TAFA2: variants seen among roughly 807,000 people sequenced by gnomAD.
TAFA2 encodes the protein TAFA chemokine like family member 2.
In TAFA2, 7 loss-of-function variants were observed where a neutral mutation model predicts 18.8. That is an observed-to-expected ratio of 0.37 (90% CI 0.21 to 0.70). The LOEUF (loss-of-function observed/expected upper bound fraction) is 0.70, where lower values mean the gene tolerates loss of function less well. Among genes scored for constraint, TAFA2 ranks in the 30% least tolerant of loss-of-function variants. The probability of loss-of-function intolerance (pLI) is 0.53; values close to 1 mark genes in which losing one functional copy is unlikely to be tolerated. For synonymous variants in TAFA2, 60 were observed against 54.2 expected, an observed-to-expected ratio of 1.11 and a Z score of -0.47; for missense variants, 122 against 158.1, an observed-to-expected ratio of 0.77 and a Z score of 1.23.
intron 1 of TAFA2, among the ~76,000 whole-genome samples, chr12:62,148,680 C>A (rs1432273297): frequency 3.9e-5 from 6 of 152,104 alleles, no homozygotes; most frequent in African/African-American, 1.4e-4. Context: ...TGCACATGTA[C>A]CCTCTGGATC....
At chr12:62,166,321 A>G (rs1478689961) in intron 1 of TAFA2, among the ~76,000 whole-genome samples, 1 of 152,206 alleles carries the variant, frequency 6.6e-6, no homozygotes, top group Non-Finnish European at 1.5e-5. Flanking sequence ...TGGTGTTAAC[A>G]CAAAATAGCA....
intron 1 of TAFA2, among the ~76,000 whole-genome samples, chr12:62,177,133 A>AG (rs2062519692): frequency 6.6e-6 from 1 of 152,240 alleles, no homozygotes; most frequent in Non-Finnish European, 1.5e-5. Context: ...CAAAGACAAC[A>AG]GGGGGGAAAC....
Position 62,170,069 on chromosome 12 carries a change from C to T in TAFA2, c.-2+21190G>A, listed in dbSNP as rs142285821. ...TATTGCTTTCCGAGTTCCTTAAAAA[C>T]CATAAATGCTCTCTTGTTTATCTTG... On this transcript the variant is annotated intron_variant, in intron 1 of 4. Transcript: ENST00000416284. Among the ~76,000 whole-genome samples, 83 of 152,110 alleles carry T rather than the reference C, an allele frequency of 5.5e-4. 1 individual carries two copies. Among genetic ancestry groups the T allele is most frequent in the African/African-American group, 1.9e-3 (78 of 41,476 alleles).
chr12:62,107,837 T>C (rs1464975533), intron 1 of TAFA2, among the ~76,000 whole-genome samples: 1 of 152,186 alleles, frequency 6.6e-6, no homozygotes, highest in Non-Finnish European at 1.5e-5. Context: ...ACTTTAATGT[T>C]ATTATTAGTA....
intron 1 of TAFA2, among the ~76,000 whole-genome samples, chr12:61,948,353 T>C (rs1474636272): frequency 6.6e-6 from 1 of 152,128 alleles, no homozygotes; most frequent in Non-Finnish European, 1.5e-5. Flanking sequence ...GAAGTAAGCA[T>C]GACCTTAATG....
At position 61,776,199 on chromosome 12, in the gene TAFA2, G is replaced by T. The variant is rs560036033; in HGVS notation, c.107-21175C>A. 1.9e-5 allele frequency: 5 copies of T among 258,336 alleles called. No individual in the cohort carries two copies. In the East Asian group the frequency reaches 5.6e-4, roughly 29 times the overall value. 16.0% of individuals were successfully genotyped at this position (258,336 alleles called of 1,614,324 possible). A position where few individuals can be genotyped will look rare whatever the true frequency, so the allele number is the denominator to read the frequency against. The stretch of plus-strand genomic sequence containing the variant: ...TGCCAAAAGAATTAATGTGTGTATT[G>T]AGCATATTAAGCAGTTTAAGAGCTG... On this transcript the variant is annotated intron_variant, in intron 2 of 4. Coordinates refer to ENST00000416284, the MANE Select transcript of TAFA2 (RefSeq NM_178539.5).
chr12:61,949,143 A>G lies in TAFA2; in HGVS notation c.-1-81717T>C, dbSNP rs537381203. On this transcript the variant is annotated intron_variant, in intron 1 of 4. Coordinates refer to ENST00000416284, the MANE Select transcript of TAFA2 (RefSeq NM_178539.5). Reference sequence around the variant, plus strand: ...CTCCGTAAAGCAGATTGTCCTCCCTACTGTGGATGGGTCTCATCCAATCAG... The same window carrying G: ...CTCCGTAAAGCAGATTGTCCTCCCTGCTGTGGATGGGTCTCATCCAATCAG... Among the ~76,000 whole-genome samples, 62 of 152,272 alleles carry G rather than the reference A, an allele frequency of 4.1e-4. 2 individuals carry two copies. Among genetic ancestry groups the G allele is most frequent in the African/African-American group, 1.4e-3 (59 of 41,554 alleles).
intron 1 of TAFA2, among the ~76,000 whole-genome samples, chr12:62,125,006 C>A (rs1447794463): frequency 6.6e-6 from 1 of 151,992 alleles, no homozygotes; most frequent in Admixed American, 6.6e-5. Context: ...ACAGTGAAAA[C>A]GGAGCAGGAA....
At chr12:61,971,078 T>A (rs1343382509) in intron 1 of TAFA2, among the ~76,000 whole-genome samples, 1 of 150,914 alleles carries the variant, frequency 6.6e-6, no homozygotes, top group Non-Finnish European at 1.5e-5. Context: ...GCTGGGAGGG[T>A]ATGGAAAGCA....
At chr12:61,748,384 C>G (rs958003909) in intron 4 of TAFA2, among the ~76,000 whole-genome samples, 1 of 152,002 alleles carries the variant, frequency 6.6e-6, no homozygotes, top group Non-Finnish European at 1.5e-5. Flanking sequence ...GAGATGAAGA[C>G]AAATGAATGG....
intron 1 of TAFA2, among the ~76,000 whole-genome samples, chr12:62,017,862 A>C (rs997965046): frequency 3.3e-5 from 5 of 152,194 alleles, no homozygotes; most frequent in Non-Finnish European, 7.4e-5. Flanking sequence ...ATGACAACCT[A>C]AACTGCCATT....
intron 1 of TAFA2, among the ~76,000 whole-genome samples, chr12:61,926,379 G>A (rs992071168): frequency 6.6e-6 from 1 of 152,166 alleles, no homozygotes; most frequent in South Asian, 2.1e-4. Flanking sequence ...AAACCTGGCA[G>A]AGACACAACA....
intron 1 of TAFA2, among the ~76,000 whole-genome samples, chr12:62,079,776 C>A (rs1868292313): frequency 6.6e-6 from 1 of 152,158 alleles, no homozygotes; most frequent in Non-Finnish European, 1.5e-5. Flanking sequence ...CCCAATCTAT[C>A]CACTTTTATC....
At chr12:61,741,298 G>A (rs946719155) in intron 4 of TAFA2, among the ~76,000 whole-genome samples, 3 of 151,588 alleles carry the variant, frequency 2.0e-5, no homozygotes, top group African/African-American at 7.3e-5. Flanking sequence ...GTGTGTGTGT[G>A]TGTGTATGTG....
At chr12:61,759,390 C>A (rs1869429970) in intron 2 of TAFA2, among the ~76,000 whole-genome samples, 1 of 151,718 alleles carries the variant, frequency 6.6e-6, no homozygotes, top group Non-Finnish European at 1.5e-5. Context: ...AAACTAATAT[C>A]AATTCTATAT....
At chr12:61,775,643 T>C (rs911025756) in intron 2 of TAFA2, among the ~76,000 whole-genome samples, 13 of 151,718 alleles carry the variant, frequency 8.6e-5, no homozygotes, top group Non-Finnish European at 1.9e-4. Flanking sequence ...AAGGGAGGGA[T>C]GAATAAGCAG....
intron 1 of TAFA2, among the ~76,000 whole-genome samples, chr12:61,926,939 G>A (rs1241753268): frequency 1.3e-5 from 2 of 151,908 alleles, no homozygotes; most frequent in East Asian, 3.9e-4. Flanking sequence ...GCTGGGCATG[G>A]TGGCACATGC....
At chr12:61,882,549 G>T (rs1875192689) in intron 1 of TAFA2, among the ~76,000 whole-genome samples, 1 of 152,120 alleles carries the variant, frequency 6.6e-6, no homozygotes, top group South Asian at 2.1e-4. Flanking sequence ...TTCTGTTACT[G>T]TAAGGCTTAA....
chr12:62,115,798 G>A (rs1869937897), intron 1 of TAFA2, among the ~76,000 whole-genome samples: 1 of 152,060 alleles, frequency 6.6e-6, no homozygotes, highest in East Asian at 1.9e-4. Flanking sequence ...TTCCTTTCTT[G>A]TCCTTGGTCA....
Sources: allele counts gnomAD v4.1 joint callset (sites outside exome capture counted in the v4.1 genomes callset), GRCh38; gene constraint gnomAD v4.1.1; transcripts MANE v1.5; gene names NCBI Gene and HGNC (gene_info 2026-07-23, HGNC 2026-07-21).